The following TMCC1 variants were observed in gnomAD, a reference collection of about 807,000 sequenced individuals.
TMCC1 encodes transmembrane and coiled-coil domain family 1.
In TMCC1, 15 loss-of-function variants were observed where a neutral mutation model predicts 52.4. The ratio of observed to expected loss-of-function variants is 0.29; its 90% CI spans 0.19 to 0.44. The LOEUF (loss-of-function observed/expected upper bound fraction) is 0.44, where lower values mean the gene tolerates loss of function less well. TMCC1 is among the 20% of genes least tolerant of loss of function. The pLI is 1.00. For synonymous variants in TMCC1, 279 were observed against 301.9 expected, an observed-to-expected ratio of 0.92 and a Z score of 0.79; for missense variants, 503 against 806.0, an observed-to-expected ratio of 0.62 and a Z score of 4.55.
chr3:129,653,663 C>T (rs1326195694), intron 6 of TMCC1, among the ~76,000 whole-genome samples: 1 of 152,058 alleles, frequency 6.6e-6, no homozygotes. Flanking sequence ...TGGTCTTGAT[C>T]TCCTGACCTT....
At chr3:129,776,595 A>G (rs1278564899) in intron 4 of TMCC1, among the ~76,000 whole-genome samples, 2 of 152,240 alleles carry the variant, frequency 1.3e-5, no homozygotes, top group South Asian at 2.1e-4. Context: ...AAAGTTTCCC[A>G]AAGTGCTAGA....
rs559625185 is a variant in TMCC1 at position 129,676,881 on chromosome 3, G to A, written c.577-5617C>T. The stretch of plus-strand genomic sequence containing the variant: ...AAGTCAGATGATGCCTGCCAAACAT[G>A]GTAAACTAATTAGTTACCTTCTTCC... On this transcript the variant is annotated intron_variant, in intron 4 of 6. Transcript: ENST00000393238. Among the ~76,000 whole-genome samples, 4 of 152,126 alleles carry A rather than the reference G, an allele frequency of 2.6e-5. No individual in the cohort carries two copies. In the South Asian group the frequency reaches 6.2e-4, roughly 24 times the overall value.
At chr3:129,865,153 A>T (rs779052106) in intron 2 of TMCC1, among the ~76,000 whole-genome samples, 13 of 152,130 alleles carry the variant, frequency 8.5e-5, no homozygotes, top group Admixed American at 6.5e-4. Flanking sequence ...TTACACTCCC[A>T]AACAGTAAGA....
intron 2 of TMCC1, among the ~76,000 whole-genome samples, chr3:129,866,057 G>A (rs1461570761): frequency 6.6e-6 from 1 of 151,814 alleles, no homozygotes; most frequent in Non-Finnish European, 1.5e-5. Context: ...ATCAACAACA[G>A]AATAAGATAT....
chr3:129,685,517 T>G (rs1477690308), intron 4 of TMCC1, among the ~76,000 whole-genome samples: 1 of 151,916 alleles, frequency 6.6e-6, no homozygotes, highest in Non-Finnish European at 1.5e-5. Flanking sequence ...GAAAAGCATT[T>G]CAGGTTAACA....
intron 4 of TMCC1, among the ~76,000 whole-genome samples, chr3:129,800,646 T>C (rs1285999828): frequency 2.3e-5 from 2 of 88,154 alleles, no homozygotes; most frequent in African/African-American, 5.1e-5. Flanking sequence ...GCTTTTCTCA[T>C]TTTCTATATA....
chr3:129,659,456 T>C (rs999646097), intron 5 of TMCC1, among the ~76,000 whole-genome samples: 1 of 152,278 alleles, frequency 6.6e-6, no homozygotes, highest in Non-Finnish European at 1.5e-5. Context: ...TCACAACGTA[T>C]TGATTTTAAC....
chr3:129,723,847 T>C lies in TMCC1; in HGVS notation c.577-52583A>G, dbSNP rs564601530. Among the ~76,000 whole-genome samples the C allele has an allele frequency of 2.0e-5, 3 of 152,138 alleles. No homozygotes were observed. In the East Asian group the frequency reaches 5.8e-4, roughly 29 times the overall value. ...TCAGCAGCTCAGGCTATTTCCTTTG[T>C]CTGTCTATTCAACCAGCCCCCACTT... On this transcript the variant is annotated intron_variant, in intron 4 of 6. Coordinates refer to ENST00000393238, the MANE Select transcript of TMCC1 (RefSeq NM_001017395.5).
intron 5 of TMCC1, among the ~76,000 whole-genome samples, chr3:129,666,695 G>A (rs112306238): frequency 0.097 from 14,711 of 151,864 alleles, 831 homozygotes; most frequent in African/African-American, 0.15. Flanking sequence ...AGTCAAGATC[G>A]CACCACTGCA....
At chr3:129,864,175 G>C (rs1349799395) in intron 2 of TMCC1, among the ~76,000 whole-genome samples, 1 of 152,008 alleles carries the variant, frequency 6.6e-6, no homozygotes, top group East Asian at 1.9e-4. Context: ...GAGAAGGTTG[G>C]GAGCCCACAT....
intron 4 of TMCC1, among the ~76,000 whole-genome samples, chr3:129,797,496 C>G (rs1355055059): frequency 3.9e-5 from 6 of 152,148 alleles, no homozygotes; most frequent in Non-Finnish European, 8.8e-5. Flanking sequence ...GATCCCTGCA[C>G]TTTGGGAGGC....
chr3:129,866,269 T>TATAATATATATACATATATAC (rs2060626984), intron 2 of TMCC1, among the ~76,000 whole-genome samples: 1 of 145,956 alleles, frequency 6.9e-6, no homozygotes, highest in Non-Finnish European at 1.5e-5. Flanking sequence ...ATTATACATA[T>TATAATATATATACATATATAC]ATAATATATA....
At chr3:129,681,436 A>G (rs1260393779) in intron 4 of TMCC1, among the ~76,000 whole-genome samples, 1 of 152,002 alleles carries the variant, frequency 6.6e-6, no homozygotes, top group Non-Finnish European at 1.5e-5. Context: ...GTAAAGAATG[A>G]TAAGTAGTCA....
At chr3:129,815,547 C>T (rs2058055019) in intron 4 of TMCC1, among the ~76,000 whole-genome samples, 1 of 152,068 alleles carries the variant, frequency 6.6e-6, no homozygotes, top group Non-Finnish European at 1.5e-5. Context: ...GGACAACCAC[C>T]TGCAGAATGG....
At position 129,854,009 on chromosome 3, in the gene TMCC1, T is replaced by C. The variant is rs528996145; in HGVS notation, c.-183-21183A>G. ...TCTGTCTAAATGAGCCACCATTACC[T>C]ATCACATGGACAACTAAATTCCTAA... On this transcript the variant is annotated intron_variant, in intron 2 of 6. Coordinates refer to ENST00000393238, the MANE Select transcript of TMCC1 (RefSeq NM_001017395.5). 1.2e-4 allele frequency among the ~76,000 whole-genome samples: 19 copies of C among 152,296 alleles called. No individual in the cohort carries two copies. In the South Asian group the frequency reaches 3.5e-3, roughly 28 times the overall value.
intron 2 of TMCC1, among the ~76,000 whole-genome samples, chr3:129,873,541 G>A (rs2005575): frequency 0.097 from 14,707 of 151,928 alleles, 841 homozygotes; most frequent in African/African-American, 0.15. Context: ...CTACCCAGGC[G>A]TGGTGGTGCA....
chr3:129,677,255 C>T (rs1431295181), intron 4 of TMCC1, among the ~76,000 whole-genome samples: 2 of 151,676 alleles, frequency 1.3e-5, no homozygotes, highest in Non-Finnish European at 2.9e-5. Flanking sequence ...ACAGGGTCCC[C>T]CAAAAAAGAA....
At chr3:129,889,948 G>GCCCA (rs2061888186) in intron 1 of TMCC1, among the ~76,000 whole-genome samples, 1 of 105,374 alleles carries the variant, frequency 9.5e-6, no homozygotes, top group South Asian at 2.6e-4. Context: ...AATAAACTAA[G>GCCCA]CTCACAACAA....
At chr3:129,773,617 A>G (rs533219915) in intron 4 of TMCC1, among the ~76,000 whole-genome samples, 65 of 152,244 alleles carry the variant, frequency 4.3e-4, no homozygotes, top group Non-Finnish European at 8.2e-4. Context: ...ATAAATTAAC[A>G]ACACAGACAG....
Sources: gnomAD v4.1 joint callset for allele counts (sites outside exome capture counted in the v4.1 genomes callset) on GRCh38, gnomAD v4.1.1 for gene constraint, MANE v1.5 for transcripts, NCBI Gene and HGNC (gene_info 2026-07-23, HGNC 2026-07-21) for gene names.